Variants in NUMB observed in about 807,000 individuals in gnomAD.
NUMB encodes NUMB endocytic adaptor protein.
In NUMB, 29 loss-of-function variants were observed where a neutral mutation model predicts 59.7. That is an observed-to-expected ratio of 0.49 (90% CI 0.36 to 0.66). The LOEUF (loss-of-function observed/expected upper bound fraction) is 0.66. NUMB is among the 30% of genes least tolerant of loss of function. NUMB has a pLI of 0.00. For missense variants in NUMB, 723 were observed against 822.0 expected (o/e 0.88, Z 1.47); for synonymous variants, 288 against 288.2 (o/e 1.00, Z 0.01).
chr14:73,327,373 C>T (rs1246984865), intron 4 of NUMB, among the ~76,000 whole-genome samples: 1 of 152,212 alleles, frequency 6.6e-6, no homozygotes, highest in African/African-American at 2.4e-5. Flanking sequence ...TCTCCTGCCT[C>T]AGCCTCCTGA....
Position 73,429,651 on chromosome 14 carries a change from T to G in NUMB, c.-232-19583A>C, listed in dbSNP as rs577055128. Among the ~76,000 whole-genome samples the G allele has an allele frequency of 1.3e-3, 194 of 151,028 alleles. 4 individuals carry two copies. In the South Asian group the frequency reaches 0.019, roughly 15 times the overall value. ...GTAGTTGTGTTTTTTGCCATTAAAATGGCATTAAAGCTGTGTGGCTGTAGC... is the reference window on the plus strand; with the variant it reads ...GTAGTTGTGTTTTTTGCCATTAAAAGGGCATTAAAGCTGTGTGGCTGTAGC... On this transcript the variant is annotated intron_variant, in intron 1 of 12. Coordinates refer to ENST00000555238, the MANE Select transcript of NUMB (RefSeq NM_001005743.2).
At chr14:73,401,032 C>T (rs574167693) in intron 2 of NUMB, among the ~76,000 whole-genome samples, 16 of 152,272 alleles carry the variant, frequency 1.1e-4, no homozygotes, top group South Asian at 6.2e-4. Flanking sequence ...CAGGACACAA[C>T]GTGGGGCTTG....
chr14:73,361,831 A>G (rs1366912761), intron 3 of NUMB, among the ~76,000 whole-genome samples: 1 of 152,226 alleles, frequency 6.6e-6, no homozygotes, highest in Non-Finnish European at 1.5e-5. Context: ...TGAAAGAGAC[A>G]GAAAAGGGGC....
At chr14:73,311,428 T>C (rs1323870724) in intron 6 of NUMB, among the ~76,000 whole-genome samples, 3 of 152,190 alleles carry the variant, frequency 2.0e-5, no homozygotes, top group Non-Finnish European at 4.4e-5. Context: ...TTTTACAATG[T>C]TTGTAAGCTT....
chr14:73,388,870 G>A (rs1895684791), intron 2 of NUMB, among the ~76,000 whole-genome samples: 1 of 152,078 alleles, frequency 6.6e-6, no homozygotes, highest in African/African-American at 2.4e-5. Flanking sequence ...GGCCGAGGTG[G>A]GCGGATCACG....
intron 3 of NUMB, among the ~76,000 whole-genome samples, chr14:73,360,447 A>G (rs1364876302): frequency 1.3e-5 from 2 of 152,084 alleles, no homozygotes; most frequent in African/African-American, 4.8e-5. Flanking sequence ...TAGCCCAGCT[A>G]CTCGGGAGGC....
chr14:73,421,072 C>A (rs1897327199), intron 1 of NUMB, among the ~76,000 whole-genome samples: 5 of 152,130 alleles, frequency 3.3e-5, no homozygotes, highest in Non-Finnish European at 7.3e-5. Flanking sequence ...GTGCACAAAC[C>A]TGAAATAAAT....
chr14:73,317,622 TAAAG>T (rs1891157800), intron 5 of NUMB, among the ~76,000 whole-genome samples: 1 of 152,162 alleles, frequency 6.6e-6, no homozygotes, highest in African/African-American at 2.4e-5. Flanking sequence ...TATTTTAAAA[TAAAG>T]AAACTTGCAT....
At chr14:73,423,966 CAAAAAAAAAAAA>C (rs34582645) in intron 1 of NUMB, among the ~76,000 whole-genome samples, 1 of 74,300 alleles carries the variant, frequency 1.3e-5, no homozygotes, top group Admixed American at 1.6e-4. Flanking sequence ...ACCCTGTCTC[CAAAAAAAAAAAA>C]AAAAAAAAAA....
At chr14:73,405,994 C>T (rs957733466) in intron 2 of NUMB, among the ~76,000 whole-genome samples, 12 of 152,128 alleles carry the variant, frequency 7.9e-5, no homozygotes, top group Admixed American at 7.9e-4. Context: ...CTGAATAACA[C>T]TGCCAAAGCT....
chr14:73,453,585 T>C (rs1378284170), intron 1 of NUMB, among the ~76,000 whole-genome samples: 1 of 152,116 alleles, frequency 6.6e-6, no homozygotes, highest in Admixed American at 6.5e-5. Context: ...ATTTATAATA[T>C]GTTACATTAC....
At chr14:73,372,343 T>TTTTA (rs1894742079) in intron 2 of NUMB, among the ~76,000 whole-genome samples, 1 of 100,782 alleles carries the variant, frequency 9.9e-6, no homozygotes, top group African/African-American at 3.8e-5. Flanking sequence ...ATATAACCTT[T>TTTTA]TATATATATA....
chr14:73,364,258 G>A (rs1894228330), intron 3 of NUMB, among the ~76,000 whole-genome samples: 2 of 152,076 alleles, frequency 1.3e-5, no homozygotes, highest in Non-Finnish European at 2.9e-5. Context: ...ACCGTGCTGA[G>A]GTGGGCGGAT....
At chr14:73,357,358 G>A (rs1047050428) in intron 3 of NUMB, among the ~76,000 whole-genome samples, 4 of 149,192 alleles carry the variant, frequency 2.7e-5, no homozygotes, top group Admixed American at 6.7e-5. Context: ...AGCCAAGATC[G>A]CGCCACTTCA....
At chr14:73,457,845 G>A (rs1478407007) in intron 1 of NUMB, 1 of 152,552 alleles carries the variant, frequency 6.6e-6, no homozygotes, top group Non-Finnish European at 1.5e-5. Flanking sequence ...CCCTCCCTTG[G>A]ACAGCCGCTT....
At chr14:73,319,070 T>TG (rs1216630167) in intron 5 of NUMB, among the ~76,000 whole-genome samples, 2 of 152,052 alleles carry the variant, frequency 1.3e-5, no homozygotes, top group Non-Finnish European at 1.5e-5. Flanking sequence ...GGTCAGGAGT[T>TG]GGAGATCAGC....
chr14:73,434,049 G>A (rs550870760), intron 1 of NUMB, among the ~76,000 whole-genome samples: 29 of 152,076 alleles, frequency 1.9e-4, no homozygotes, highest in Non-Finnish European at 3.2e-4. Flanking sequence ...AGCCAAGATC[G>A]TGCCACTGCA....
chr14:73,448,079 G>A (rs1044760804), intron 1 of NUMB, among the ~76,000 whole-genome samples: 1 of 152,126 alleles, frequency 6.6e-6, no homozygotes, highest in Non-Finnish European at 1.5e-5. Flanking sequence ...TTACAGGCAT[G>A]AGCCACCGCA....
chr14:73,354,684 C>A (rs1187965302), intron 4 of NUMB, among the ~76,000 whole-genome samples: 1 of 150,148 alleles, frequency 6.7e-6, no homozygotes, highest in African/African-American at 2.4e-5. Context: ...AAAAATTAGC[C>A]GGGCATGGTG....
Sources: gnomAD v4.1 joint callset for allele counts (sites outside exome capture counted in the v4.1 genomes callset) on GRCh38, gnomAD v4.1.1 for gene constraint, MANE v1.5 for transcripts, NCBI Gene and HGNC (gene_info 2026-07-23, HGNC 2026-07-21) for gene names.